SHC4: variants seen among roughly 807,000 people sequenced by gnomAD.
SHC4 encodes SHC adaptor protein 4, also known as SHC-transforming protein 4.
SHC4 carries 41 observed loss-of-function variants against 69.4 expected under a neutral mutation model. The ratio of observed to expected loss-of-function variants is 0.59; its 90% confidence interval spans 0.46 to 0.77. The LOEUF (loss-of-function observed/expected upper bound fraction) is 0.77. SHC4 is among the 30% of genes least tolerant of loss of function. The probability of loss-of-function intolerance (pLI) is 0.00; values close to 1 mark genes in which losing one functional copy is unlikely to be tolerated. For synonymous variants in SHC4, 318 were observed against 299.3 expected (o/e 1.06, Z -0.64); for missense variants, 777 against 783.8 (o/e 0.99, Z 0.10).
intron 1 of SHC4, among the ~76,000 whole-genome samples, chr15:48,955,718 G>C (rs1477937325): frequency 6.6e-6 from 1 of 152,174 alleles, no homozygotes; most frequent in Non-Finnish European, 1.5e-5. Context: ...TTAGAAAGAA[G>C]TTTTTGTAAT....
chr15:48,960,896 C>A (rs1901535987), intron 1 of SHC4, among the ~76,000 whole-genome samples: 1 of 152,086 alleles, frequency 6.6e-6, no homozygotes, highest in Non-Finnish European at 1.5e-5. Context: ...TCACCCTTTA[C>A]AACCCTCCAT....
At chr15:48,915,156 G>A (rs1016925323) in intron 2 of SHC4, among the ~76,000 whole-genome samples, 7 of 151,982 alleles carry the variant, frequency 4.6e-5, no homozygotes, top group Admixed American at 1.3e-4. Context: ...TTCCCATTCC[G>A]TCGGTTGCCT....
chr15:48,957,825 A>G (rs1901479788), intron 1 of SHC4, among the ~76,000 whole-genome samples: 1 of 152,242 alleles, frequency 6.6e-6, no homozygotes, highest in Non-Finnish European at 1.5e-5. Context: ...CCCTAATCCA[A>G]TGACTGATGT....
chr15:48,912,432 A>AT (rs1900523936), intron 2 of SHC4, among the ~76,000 whole-genome samples: 1 of 152,128 alleles, frequency 6.6e-6, no homozygotes, highest in Non-Finnish European at 1.5e-5. Flanking sequence ...AGTTTCCTGA[A>AT]TTTTTTATTG....
At chr15:48,826,977 T>C (rs1351094382) in intron 11 of SHC4, among the ~76,000 whole-genome samples, 1 of 152,170 alleles carries the variant, frequency 6.6e-6, no homozygotes, top group Non-Finnish European at 1.5e-5. Context: ...AGAAATTCAA[T>C]TTTCTTATGG....
intron 4 of SHC4, among the ~76,000 whole-genome samples, chr15:48,873,239 G>A (rs1441236081): frequency 6.6e-6 from 1 of 152,176 alleles, no homozygotes; most frequent in East Asian, 1.9e-4. Context: ...CAAAATTATG[G>A]TATTTGAAAT....
intron 10 of SHC4, among the ~76,000 whole-genome samples, chr15:48,839,694 T>C (rs1237774233): frequency 3.3e-5 from 5 of 152,146 alleles, no homozygotes; most frequent in South Asian, 2.1e-4. Context: ...CCCCGCTAAT[T>C]TGGGGTATGG....
chr15:48,959,512 G>T (rs149932174), intron 1 of SHC4, among the ~76,000 whole-genome samples: 2 of 152,168 alleles, frequency 1.3e-5, no homozygotes, highest in Non-Finnish European at 2.9e-5. Flanking sequence ...GCAGGGAGAG[G>T]AGCAGTCACA....
intron 1 of SHC4, among the ~76,000 whole-genome samples, chr15:48,961,363 T>C (rs1901542930): frequency 6.6e-6 from 1 of 152,226 alleles, no homozygotes; most frequent in East Asian, 1.9e-4. Context: ...GATCTCTATT[T>C]GTCTTTATTC....
intron 1 of SHC4, among the ~76,000 whole-genome samples, chr15:48,930,513 T>G (rs1180125318): frequency 1.3e-5 from 2 of 152,100 alleles, no homozygotes; most frequent in Non-Finnish European, 2.9e-5. Context: ...AGGAAGAAAA[T>G]CACTTCCCAG....
intron 6 of SHC4, among the ~76,000 whole-genome samples, chr15:48,858,938 C>G (rs1423276516): frequency 6.6e-6 from 1 of 152,132 alleles, no homozygotes; most frequent in Non-Finnish European, 1.5e-5. Flanking sequence ...CATGGAGAAT[C>G]AGATTAAATA....
intron 3 of SHC4, among the ~76,000 whole-genome samples, chr15:48,889,780 C>T (rs1900101210): frequency 6.6e-6 from 1 of 152,064 alleles, no homozygotes; most frequent in Non-Finnish European, 1.5e-5. Context: ...GGAGGCGGAG[C>T]TTGCAGTGAG....
chr15:48,904,725 A>AC (rs1237518457), intron 2 of SHC4, among the ~76,000 whole-genome samples: 1 of 151,988 alleles, frequency 6.6e-6, no homozygotes, highest in Non-Finnish European at 1.5e-5. Flanking sequence ...ACACACACAC[A>AC]AAAAAATGTA....
chr15:48,908,381 CT>C (rs1289735713), intron 2 of SHC4, among the ~76,000 whole-genome samples: 1 of 152,116 alleles, frequency 6.6e-6, no homozygotes, highest in African/African-American at 2.4e-5. Flanking sequence ...CCTTAGCCCA[CT>C]TTTTGATGGG....
At chr15:48,899,798 G>A (rs2141010940) in intron 2 of SHC4, among the ~76,000 whole-genome samples, 1 of 152,260 alleles carries the variant, frequency 6.6e-6, no homozygotes, top group South Asian at 2.1e-4. Context: ...TGATCAAACT[G>A]TAAAGTTCTT....
At chr15:48,888,840 G>A (rs1363189915) in intron 3 of SHC4, among the ~76,000 whole-genome samples, 1 of 143,034 alleles carries the variant, frequency 7.0e-6, no homozygotes, top group Non-Finnish European at 1.5e-5. Flanking sequence ...AGAGGTTGCA[G>A]TGAGCCACTG....
intron 6 of SHC4, among the ~76,000 whole-genome samples, chr15:48,863,711 T>C (rs969880084): frequency 6.6e-6 from 1 of 152,214 alleles, no homozygotes; most frequent in Non-Finnish European, 1.5e-5. Context: ...CTTTTTTCAA[T>C]GTTTGAAATT....
chr15:48,934,572 T>A (rs1901032982), intron 1 of SHC4, among the ~76,000 whole-genome samples: 3 of 152,180 alleles, frequency 2.0e-5, no homozygotes, highest in Admixed American at 2.0e-4. Flanking sequence ...ATTACCCATA[T>A]GACCCAGCAA....
At chr15:48,873,626 C>T (rs1304962920) in intron 4 of SHC4, among the ~76,000 whole-genome samples, 3 of 151,918 alleles carry the variant, frequency 2.0e-5, no homozygotes, top group Non-Finnish European at 4.4e-5. Flanking sequence ...CTGTAGTCCC[C>T]GCTACTCAGG....
Sources: gnomAD v4.1 joint callset for allele counts (sites outside exome capture counted in the v4.1 genomes callset) on GRCh38, gnomAD v4.1.1 for gene constraint, MANE v1.5 for transcripts, NCBI Gene and HGNC (gene_info 2026-07-23, HGNC 2026-07-21) for gene names.